Variants in CAPN11 observed in about 807,000 individuals in gnomAD.
CAPN11 encodes calpain 11.
CAPN11 carries 108 observed loss-of-function variants against 105.3 expected under a neutral mutation model. The observed-to-expected ratio is 1.03, with a 90% CI of 0.88 to 1.20. CAPN11 has a LOEUF of 1.20. CAPN11 is among the 50% of genes most tolerant of loss of function. The probability of loss-of-function intolerance (pLI) is 0.00; values close to 1 mark genes in which losing one functional copy is unlikely to be tolerated. For synonymous variants in CAPN11, 329 were observed against 344.5 expected (o/e 0.96, Z 0.50); for missense variants, 883 against 924.8 (o/e 0.95, Z 0.59).
chr6:44,183,580 A>G (rs757604527), intron 21 of CAPN11, 125 bp from the exon 22 acceptor site: 31 of 868,914 alleles, frequency 3.6e-5, no homozygotes, highest in Non-Finnish European at 5.7e-5. Context: ...CCACTTGGCT[A>G]GGGGATTTAT....
intron 6 of CAPN11, 65 bp from the exon 7 acceptor site, chr6:44,173,153 C>T (rs1771311863): frequency 6.2e-7 from 1 of 1,603,194 alleles, no homozygotes; most frequent in Non-Finnish European, 8.5e-7. Context: ...GAGGGGGTAG[C>T]AGGACATCCC....
In CAPN11 at chr6:44,179,973, C is replaced by T. The variant is rs1304437807; in HGVS notation, c.1450C>T (p.His484Tyr). The T allele has an allele frequency of 6.2e-7, 1 of 1,613,082 alleles. No homozygotes were observed. Among genetic ancestry groups the T allele is most frequent in the Admixed American group, 1.7e-5 (1 of 60,010 alleles). Residue 484 changes from histidine (H) to tyrosine (Y), a missense_variant, in exon 14 of 23, where the codon CAC becomes TAC. Coordinates refer to ENST00000398776, the MANE Select transcript of CAPN11 (RefSeq NM_007058.4). ...PKEFQNIQDV[H>Y]LKKEFFTKYQ... ...ATAGTTTCAGAACATTCAGGATGTC[C>T]ACTTGAAGAAGGAATTCTTCACGAA...
chr6:44,162,092 C>T (rs915872295), intron 1 of CAPN11, among the ~76,000 whole-genome samples: 1 of 152,074 alleles, frequency 6.6e-6, no homozygotes, highest in African/African-American at 2.4e-5. Context: ...TGCCTCTAGA[C>T]GTTGCCACCT....
chr6:44,181,415 ACCAC>A (rs2128313757), intron 19 of CAPN11, 95 bp downstream of exon 19: 5 of 571,430 alleles, frequency 8.7e-6, no homozygotes, highest in African/African-American at 5.0e-5. Flanking sequence ...CCAAGCCCTA[ACCAC>A]ACACACACAC....
chr6:44,172,274 G>A (rs1452473803), intron 4 of CAPN11, 28 bp from the exon 5 acceptor site: 2 of 1,485,240 alleles, frequency 1.3e-6, no homozygotes, highest in Non-Finnish European at 1.8e-6. Context: ...GTTGCTCAGG[G>A]GTGGCAAAGC....
chr6:44,179,772 T>A, intron 13 of CAPN11, 142 bp downstream of exon 13: 2 of 995,228 alleles, frequency 2.0e-6, no homozygotes, highest in Non-Finnish European at 3.2e-6. Flanking sequence ...TCAGGGCTGG[T>A]AGGGGTCGGG....
At chr6:44,166,351 C>T (rs1444005947) in intron 1 of CAPN11, among the ~76,000 whole-genome samples, 1 of 152,158 alleles carries the variant, frequency 6.6e-6, no homozygotes, top group African/African-American at 2.4e-5. Context: ...CGCGCCCAAC[C>T]CTCACTCTGT....
chr6:44,162,370 C>G (rs1178409551), intron 1 of CAPN11, among the ~76,000 whole-genome samples: 1 of 25,858 alleles, frequency 3.9e-5, no homozygotes, highest in Non-Finnish European at 1.0e-4. Flanking sequence ...TGAATAAAGA[C>G]ACACACACAC....
At chr6:44,182,695 T>C (rs1232761909) in intron 19 of CAPN11, among the ~76,000 whole-genome samples, 1 of 152,124 alleles carries the variant, frequency 6.6e-6, no homozygotes, top group Admixed American at 6.5e-5. Context: ...TGCCTCAGCC[T>C]CCTGACTAGC....
At chr6:44,165,489 C>G (rs1334294111) in intron 1 of CAPN11, among the ~76,000 whole-genome samples, 1 of 152,190 alleles carries the variant, frequency 6.6e-6, no homozygotes, top group Non-Finnish European at 1.5e-5. Context: ...TGCACAGGGG[C>G]AGCCCCTATC....
rs775407087 is a variant in CAPN11 at position 44,177,424 on chromosome 6, G to A, written c.1416+4G>A. 1.2e-6 allele frequency: 2 copies of A among 1,604,116 alleles called. No homozygotes were observed. The highest frequency in any genetic ancestry group is 2.7e-5 in the African/African-American group (2 of 74,844). ...CATTGGCTTTGTCCTCTACGCGGTG[G>A]GTGCCTGGCTGGTCTCGCCCGCCAC... On this transcript the variant is annotated splice_donor_region_variant and intron_variant, in intron 12 of 22. Transcript: ENST00000398776.
rs1312712494 is a variant in CAPN11, at chr6:44,176,914, G to C, written c.1153G>C (p.Asp385His). 4.3e-6 allele frequency: 7 copies of C among 1,613,844 alleles called. No homozygotes were observed. The highest frequency in any genetic ancestry group is 2.2e-5 in the East Asian group (1 of 44,890). The change falls in exon 11 of 23, where the codon GAC (aspartate) becomes CAC (histidine). Residue 385 changes from aspartate (D) to histidine (H), a missense_variant. By Grantham distance (81) the Asp-to-His change is moderately conservative. Coordinates refer to ENST00000398776, the MANE Select transcript of CAPN11 (RefSeq NM_007058.4). ...CCTCACGCCTGATACACTCTCTGGG[G>C]ACTACAAGAGCTACTGGCACACCAC... ...CNLTPDTLSG[D>H]YKSYWHTTFY...
chr6:44,181,263 T>C lies in CAPN11; in HGVS notation c.1881T>C (p.Ser627=), dbSNP rs1166738399. ...CMINLMDKDG[S]GKLGLLEFKI... The stretch of plus-strand genomic sequence containing the variant: ...TGACCACCTTCCAGAAAGATGGCTC[T>C]GGCAAGCTGGGGCTTCTAGAGTTCA... The change falls in exon 19 of 23, where the codon TCT becomes TCC. Residue 627 remains serine (S), a synonymous_variant. Coordinates refer to ENST00000398776, the MANE Select transcript of CAPN11 (RefSeq NM_007058.4). The C allele has an allele frequency of 1.9e-6, 3 of 1,613,550 alleles. No homozygotes were observed. Among genetic ancestry groups the C allele is most frequent in the Non-Finnish European group, 2.5e-6 (3 of 1,179,612 alleles).
In CAPN11 at chr6:44,173,097, G is replaced by A. The variant is rs534113991; in HGVS notation, c.662+24G>A. 1.2e-4 allele frequency: 198 copies of A among 1,611,026 alleles called. 3 individuals are homozygous for A. In the South Asian group the frequency reaches 1.6e-3, roughly 13 times the overall value. ...AAGTGAGTGCTGGGAGCTGAGGAAGGGGGCTTGCCTTGCCTCTGTCTGGAC... is the reference window on the plus strand; with the variant it reads ...AAGTGAGTGCTGGGAGCTGAGGAAGAGGGCTTGCCTTGCCTCTGTCTGGAC... On this transcript the variant is annotated intron_variant, in intron 6 of 22. Coordinates refer to ENST00000398776, the MANE Select transcript of CAPN11 (RefSeq NM_007058.4).
At chr6:44,178,436 C>T (rs1042754864) in intron 12 of CAPN11, among the ~76,000 whole-genome samples, 7 of 152,120 alleles carry the variant, frequency 4.6e-5, no homozygotes, top group African/African-American at 1.7e-4. Context: ...TCCACATTCT[C>T]CAAAAGAATG....
In CAPN11 at chr6:44,176,958, G is replaced by A. The variant is rs1341813007; in HGVS notation, c.1197G>A (p.Trp399Ter). The change falls in exon 11 of 23, where the codon TGG (tryptophan) becomes TGA (stop). Residue 399 changes from tryptophan (W) to a stop codon, truncating the protein, a stop_gained. Coordinates refer to ENST00000398776, the MANE Select transcript of CAPN11 (RefSeq NM_007058.4). LOFTEE classifies it high-confidence loss of function. ...YWHTTFYEGS[W>*]RRGSSAGGCR... ...ACACCACCTTCTACGAGGGCAGCTG[G>A]CGCAGAGGCAGCTCCGCAGGGGGCT... The A allele has an allele frequency of 1.9e-6, 3 of 1,613,874 alleles. No homozygotes were observed. Among genetic ancestry groups the A allele is most frequent in the Non-Finnish European group, 2.5e-6 (3 of 1,179,886 alleles).
intron 1 of CAPN11, among the ~76,000 whole-genome samples, chr6:44,163,577 A>G (rs916934975): frequency 1.6e-4 from 24 of 152,168 alleles, no homozygotes; most frequent in African/African-American, 5.8e-4. Flanking sequence ...CTCTGTCTAT[A>G]GCAGGGAAGT....
intron 1 of CAPN11, among the ~76,000 whole-genome samples, chr6:44,161,405 G>A (rs1280639633): frequency 1.3e-5 from 2 of 152,252 alleles, no homozygotes; most frequent in South Asian, 2.1e-4. Context: ...TCACCATGTT[G>A]GCCAGGCGGG....
chr6:44,177,211 G>T (rs534515694), intron 11 of CAPN11, 31 bp from the exon 12 acceptor site: 6 of 1,551,060 alleles, frequency 3.9e-6, no homozygotes, highest in East Asian at 2.4e-5. Flanking sequence ...GGAAGCCCCC[G>T]TATAACCACG....
Sources: gnomAD v4.1 joint callset for allele counts (sites outside exome capture counted in the v4.1 genomes callset) on GRCh38, gnomAD v4.1.1 for gene constraint, MANE v1.5 for transcripts, NCBI Gene and HGNC (gene_info 2026-07-23, HGNC 2026-07-21) for gene names.